HSDL2: variants seen among roughly 807,000 people sequenced by gnomAD.
HSDL2 encodes hydroxysteroid dehydrogenase-like protein 2.
Under a neutral mutation model 46.3 loss-of-function variants are expected in HSDL2, and 27 were observed. That is an observed-to-expected ratio of 0.58 (90% confidence interval 0.43 to 0.80). The LOEUF (loss-of-function observed/expected upper bound fraction) is 0.80, where lower values mean the gene tolerates loss of function less well. Among genes scored for constraint, HSDL2 ranks in the 30% least tolerant of loss-of-function variants. The probability of loss-of-function intolerance (pLI) is 0.00; values close to 1 mark genes in which losing one functional copy is unlikely to be tolerated. For missense variants in HSDL2, 451 were observed against 502.7 expected (o/e 0.90, Z 0.98); for synonymous variants, 153 against 163.6 (o/e 0.94, Z 0.50).
intron 1 of HSDL2, among the ~76,000 whole-genome samples, chr9:112,400,855 T>C (rs1445496106): frequency 6.6e-6 from 1 of 152,220 alleles, no homozygotes; most frequent in African/African-American, 2.4e-5. Flanking sequence ...TGGCTGTCTT[T>C]ACATAGTCTT....
At chr9:112,410,157 T>A (rs73535969) in intron 4 of HSDL2, among the ~76,000 whole-genome samples, 2,716 of 152,358 alleles carry the variant, frequency 0.018, 98 homozygotes, top group African/African-American at 0.062. Flanking sequence ...GACTATCGAA[T>A]GAAAGAACAT....
chr9:112,438,399 T>C lies in HSDL2; in HGVS notation c.599-32T>C, dbSNP rs1040128610. On this transcript the variant is annotated intron_variant, in intron 6 of 10. Coordinates refer to ENST00000398805, the MANE Select transcript of HSDL2 (RefSeq NM_032303.5). ...AGTTTTATTATTTGATTTGGAGTTA[T>C]GAGTGTATGTGTGTGTGTGTTTTCT... 4.4e-6 allele frequency: 6 copies of C among 1,349,604 alleles called. No individual in the cohort carries two copies. In the South Asian group the frequency reaches 7.6e-5, roughly 17 times the overall value. 83.6% of individuals were successfully genotyped at this position (1,349,604 alleles called of 1,614,324 possible).
chr9:112,393,828 G>T (rs1394192485), intron 1 of HSDL2, among the ~76,000 whole-genome samples: 1 of 152,158 alleles, frequency 6.6e-6, no homozygotes, highest in Non-Finnish European at 1.5e-5. Context: ...ACAATGTATT[G>T]GACAGTTTGA....
At position 112,397,217 on chromosome 9, in the gene HSDL2, C is replaced by T. The variant is rs376858471; in HGVS notation, c.18-6778C>T. ...GAATCAGTCGAGCCGGTTTGATTGC[C>T]GTCCTTCATAGCCCGTGCCCACAGA... On this transcript the variant is annotated intron_variant, in intron 1 of 10. Transcript: ENST00000398805. 1.6e-4 allele frequency among the ~76,000 whole-genome samples: 25 copies of T among 152,262 alleles called. No individual in the cohort carries two copies. The East Asian group carries it at 3.7e-3, about 22-fold the overall frequency.
intron 6 of HSDL2, among the ~76,000 whole-genome samples, chr9:112,421,400 T>C (rs1003196087): frequency 3.3e-5 from 5 of 151,894 alleles, no homozygotes; most frequent in African/African-American, 9.7e-5. Flanking sequence ...AAACAGAAAA[T>C]CAACATGGCC....
At chr9:112,446,138 A>G (rs1381868837) in intron 8 of HSDL2, among the ~76,000 whole-genome samples, 1 of 149,984 alleles carries the variant, frequency 6.7e-6, no homozygotes, top group East Asian at 1.9e-4. Flanking sequence ...ATTCTTCCTC[A>G]TATTAGGAGA....
intron 3 of HSDL2, among the ~76,000 whole-genome samples, chr9:112,406,848 TC>T (rs1468224486): frequency 6.6e-6 from 1 of 152,184 alleles, no homozygotes; most frequent in Non-Finnish European, 1.5e-5. Context: ...CCCAATTAGT[TC>T]AAAAGTTCCT....
intron 1 of HSDL2, among the ~76,000 whole-genome samples, chr9:112,392,043 A>G (rs1459497283): frequency 6.6e-6 from 1 of 152,170 alleles, no homozygotes; most frequent in Non-Finnish European, 1.5e-5. Context: ...CAGCACAAAG[A>G]GAGGAATTTT....
intron 10 of HSDL2, chr9:112,469,853 C>T (rs1266751590): frequency 6.6e-6 from 1 of 152,080 alleles, no homozygotes; most frequent in Non-Finnish European, 1.5e-5. Context: ...ATAAGAGTAG[C>T]AGATAACAAA....
intron 8 of HSDL2, 57 bp from the exon 9 acceptor site, chr9:112,453,956 G>T: frequency 6.5e-7 from 1 of 1,533,492 alleles, no homozygotes; most frequent in African/African-American, 1.4e-5. Flanking sequence ...AATTAATTCT[G>T]TGTGGGGTCC....
intron 1 of HSDL2, among the ~76,000 whole-genome samples, chr9:112,387,254 C>T (rs1444464043): frequency 6.7e-5 from 10 of 149,936 alleles, no homozygotes; most frequent in Admixed American, 2.7e-4. Flanking sequence ...GGGTCTCACT[C>T]TGTGGTTCAG....
At chr9:112,454,764 G>C (rs1164724099) in intron 9 of HSDL2, among the ~76,000 whole-genome samples, 2 of 151,326 alleles carry the variant, frequency 1.3e-5, no homozygotes, top group Non-Finnish European at 2.9e-5. Context: ...GGAGTGCAGT[G>C]GTGGGATCTG....
At chr9:112,412,354 G>C (rs540524957) in intron 4 of HSDL2, among the ~76,000 whole-genome samples, 1 of 152,136 alleles carries the variant, frequency 6.6e-6, no homozygotes, top group Non-Finnish European at 1.5e-5. Flanking sequence ...CAAGTTTAAG[G>C]CAGATTTATC....
chr9:112,400,886 C>T (rs1831574968), intron 1 of HSDL2, among the ~76,000 whole-genome samples: 2 of 152,188 alleles, frequency 1.3e-5, no homozygotes, highest in Non-Finnish European at 2.9e-5. Context: ...AGAAGGACAC[C>T]TGTCCGATTG....
chr9:112,464,406 AGTT>A (rs1030880535), intron 10 of HSDL2, among the ~76,000 whole-genome samples: 4 of 152,142 alleles, frequency 2.6e-5, no homozygotes, highest in African/African-American at 7.2e-5. Context: ...GTATTACAAA[AGTT>A]GTTTTGTTTT....
intron 7 of HSDL2, among the ~76,000 whole-genome samples, chr9:112,440,548 A>C (rs577088842): frequency 1.3e-5 from 2 of 152,264 alleles, no homozygotes; most frequent in South Asian, 4.1e-4. Flanking sequence ...CAGTTAACCT[A>C]TTTGCTAACC....
chr9:112,434,085 T>C (rs1021036049), intron 6 of HSDL2: 4 of 152,226 alleles, frequency 2.6e-5, no homozygotes, highest in African/African-American at 7.2e-5. Context: ...AATTTTTTTC[T>C]TTTTATAAGA....
chr9:112,421,219 C>T (rs921182894), intron 6 of HSDL2, among the ~76,000 whole-genome samples: 2 of 152,040 alleles, frequency 1.3e-5, no homozygotes, highest in African/African-American at 2.4e-5. Context: ...CACAGCTTCT[C>T]GTGAGGCTAA....
At chr9:112,418,317 T>C (rs1587943402) in intron 5 of HSDL2, among the ~76,000 whole-genome samples, 2 of 152,016 alleles carry the variant, frequency 1.3e-5, no homozygotes, top group East Asian at 1.9e-4. Context: ...GTACGGTGGC[T>C]CGTACCTGTA....
Sources: allele counts gnomAD v4.1 joint callset (sites outside exome capture counted in the v4.1 genomes callset), GRCh38; gene constraint gnomAD v4.1.1; transcripts MANE v1.5; gene names NCBI Gene and HGNC (gene_info 2026-07-23, HGNC 2026-07-21).